The following MCF2L variants were observed in gnomAD, a reference collection of about 807,000 sequenced individuals.
MCF2L encodes guanine nucleotide exchange factor DBS.
Under a neutral mutation model 153.4 loss-of-function variants are expected in MCF2L, and 97 were observed. The observed-to-expected ratio is 0.63, with a 90% CI of 0.54 to 0.75. The LOEUF (loss-of-function observed/expected upper bound fraction) is 0.75, where lower values mean the gene tolerates loss of function less well. MCF2L is among the 30% of genes least tolerant of loss of function. The pLI is 0.00. For synonymous variants in MCF2L, 659 were observed against 632.2 expected (o/e 1.04, Z -0.64); for missense variants, 1,347 against 1,495.2 (o/e 0.90, Z 1.64).
chr13:112,906,782 G>A (rs868607400), intron 2 of MCF2L, among the ~76,000 whole-genome samples: 5 of 152,306 alleles, frequency 3.3e-5, no homozygotes, highest in African/African-American at 4.8e-5. Flanking sequence ...AGGTGCCCCC[G>A]GCACAGGCGA....
At chr13:112,937,496 G>A (rs2081526818) in intron 2 of MCF2L, among the ~76,000 whole-genome samples, 2 of 152,222 alleles carry the variant, frequency 1.3e-5, no homozygotes, top group African/African-American at 4.8e-5. Context: ...GAGTTTGGAG[G>A]AAAGAGACTT....
intron 2 of MCF2L, among the ~76,000 whole-genome samples, chr13:112,908,832 T>C (rs2081200125): frequency 6.6e-6 from 1 of 151,766 alleles, no homozygotes; most frequent in Non-Finnish European, 1.5e-5. Flanking sequence ...TTCACGCCAT[T>C]CTCCTGCCTC....
intron 15 of MCF2L, among the ~76,000 whole-genome samples, chr13:113,080,745 C>T (rs777388727): frequency 2.8e-4 from 42 of 152,190 alleles, no homozygotes; most frequent in Non-Finnish European, 4.7e-4. Flanking sequence ...GCCCTGGCCA[C>T]GAGGGGCCAC....
intron 1 of MCF2L, among the ~76,000 whole-genome samples, chr13:113,004,874 G>A (rs1201479446): frequency 2.0e-5 from 3 of 152,244 alleles, no homozygotes; most frequent in African/African-American, 4.8e-5. Flanking sequence ...CGGAGGCATG[G>A]CAGCCCGTGC....
At chr13:113,091,497 G>C (rs1352874464) in intron 26 of MCF2L, among the ~76,000 whole-genome samples, 1 of 152,202 alleles carries the variant, frequency 6.6e-6, no homozygotes, top group East Asian at 1.9e-4. Context: ...GGTGGAGCTG[G>C]GTGGGGTCTC....
chr13:112,937,401 T>G (rs907117797), intron 2 of MCF2L, among the ~76,000 whole-genome samples: 3 of 152,216 alleles, frequency 2.0e-5, no homozygotes, highest in Non-Finnish European at 2.9e-5. Flanking sequence ...CAGAAAAAAT[T>G]TAGAACATTT....
intron 2 of MCF2L, among the ~76,000 whole-genome samples, chr13:112,949,529 A>G (rs920509433): frequency 1.2e-4 from 19 of 152,210 alleles, no homozygotes; most frequent in African/African-American, 4.6e-4. Flanking sequence ...ATTATCCACC[A>G]TGACCAAGTT....
At chr13:113,025,807 C>T (rs865947073) in intron 3 of MCF2L, among the ~76,000 whole-genome samples, 2 of 145,110 alleles carry the variant, frequency 1.4e-5, no homozygotes, top group African/African-American at 2.6e-5. Flanking sequence ...ATGGGGTCCC[C>T]GTGACTGTGG....
chr13:112,979,697 C>A (rs1329112095), intron 1 of MCF2L: 1 of 1,612,796 alleles, frequency 6.2e-7, no homozygotes, highest in South Asian at 1.1e-5. Context: ...CCCGGGGAAC[C>A]CTGCGGCGGC....
At chr13:112,997,636 T>G (rs1467801399) in intron 1 of MCF2L, among the ~76,000 whole-genome samples, 1 of 152,250 alleles carries the variant, frequency 6.6e-6, no homozygotes, top group African/African-American at 2.4e-5. Context: ...TGACCAGGTT[T>G]GTAAAATGAA....
chr13:113,080,985 C>T (rs940021601), intron 15 of MCF2L, among the ~76,000 whole-genome samples: 4 of 152,228 alleles, frequency 2.6e-5, no homozygotes, highest in African/African-American at 9.6e-5. Flanking sequence ...CAAGACACTG[C>T]CGGCCAGTCT....
chr13:113,057,107 GTTT>G (rs2030104924), intron 4 of MCF2L, among the ~76,000 whole-genome samples: 1 of 149,908 alleles, frequency 6.7e-6, no homozygotes, highest in Non-Finnish European at 1.5e-5. Flanking sequence ...GGTGCTGTGT[GTTT>G]GGGTGCTGAG....
chr13:112,992,519 G>A (rs553871567), intron 1 of MCF2L, among the ~76,000 whole-genome samples: 1 of 152,370 alleles, frequency 6.6e-6, no homozygotes, highest in African/African-American at 2.4e-5. Context: ...CCGTGCGTCT[G>A]TGGTGGCCAC....
rs146043897 is a variant in MCF2L, at chr13:112,951,770, G to T, written c.169+49399G>T. Among the ~76,000 whole-genome samples the T allele has an allele frequency of 7.2e-5, 11 of 152,324 alleles. No individual in the cohort carries two copies. The highest frequency in any genetic ancestry group is 1.9e-4 in the East Asian group (1 of 5,182). On this transcript the variant is annotated intron_variant, in intron 2 of 29. Transcript: ENST00000375608. This position sits in a 1 kb window ranked among gnomAD's most constrained non-coding sequence, Gnocchi z 4.8. ...CGTCATTGTCAGTATGCTGGCTGCAGTCGTGTGCTGTAGTTTGGCAGGATG... is the reference window on the plus strand; with the variant it reads ...CGTCATTGTCAGTATGCTGGCTGCATTCGTGTGCTGTAGTTTGGCAGGATG...
At chr13:112,968,952 T>C (rs2081949788), upstream of MCF2L, 1 of 465,664 alleles carries the variant, frequency 2.1e-6, no homozygotes, top group African/African-American at 2.0e-5. Context: ...ATACACTAGG[T>C]GACCTAGTGA....
intron 2 of MCF2L, among the ~76,000 whole-genome samples, chr13:112,940,971 G>C (rs2081569957): frequency 6.6e-6 from 1 of 152,162 alleles, no homozygotes; most frequent in African/African-American, 2.4e-5. Context: ...TACAGTCCTG[G>C]AAGAGGACTG....
At chr13:113,086,647 A>G (rs982813474) in intron 21 of MCF2L, among the ~76,000 whole-genome samples, 6 of 152,124 alleles carry the variant, frequency 3.9e-5, no homozygotes, top group Non-Finnish European at 7.4e-5. Context: ...GTGGCCCCAG[A>G]AGGCAGATGT....
At chr13:112,948,733 A>G (rs929173549) in intron 2 of MCF2L, among the ~76,000 whole-genome samples, 7 of 152,212 alleles carry the variant, frequency 4.6e-5, no homozygotes, top group African/African-American at 1.2e-4. Flanking sequence ...ACCCAAAGAA[A>G]AGCAGAAGGA....
rs7333787 is a variant in MCF2L, at chr13:113,045,564, T to C, written c.369+203T>C. On this transcript the variant is annotated intron_variant, in intron 4 of 29. Transcript: ENST00000535094. This position sits in a 1 kb window ranked among gnomAD's most constrained non-coding sequence, Gnocchi z 4.2. ...GTGCCTGGGTGTGAGTTTTCCCAGA[T>C]GAAGGAACTCTTAGGGAGCCCAATG... The C allele has an allele frequency of 0.27, 158,001 of 591,756 alleles. 21,952 individuals carry two copies. The highest frequency in any genetic ancestry group is 0.32 in the Admixed American group (10,809 of 34,184). 36.7% of individuals were successfully genotyped at this position (591,756 alleles called of 1,614,324 possible).
Sources: gnomAD v4.1 joint callset for allele counts (sites outside exome capture counted in the v4.1 genomes callset) on GRCh38, gnomAD v4.1.1 for gene constraint, Gnocchi (gnomAD v3.1) non-coding constraint, MANE v1.5 for transcripts, NCBI Gene and HGNC (gene_info 2026-07-23, HGNC 2026-07-21) for gene names.